The following FBXO41 variants were observed in gnomAD, a reference collection of about 807,000 sequenced individuals.
FBXO41 encodes the protein F-box only protein 41.
In FBXO41, 33 loss-of-function variants were observed where a neutral mutation model predicts 81.6. The ratio of observed to expected loss-of-function variants is 0.40; its 90% CI spans 0.31 to 0.54. The LOEUF (loss-of-function observed/expected upper bound fraction) is 0.54. FBXO41 is among the 20% of genes least tolerant of loss of function. The pLI is 0.39. For synonymous variants in FBXO41, 576 were observed against 552.7 expected, an observed-to-expected ratio of 1.04 and a Z score of -0.59; for missense variants, 1,107 against 1,236.0, an observed-to-expected ratio of 0.90 and a Z score of 1.56.
In FBXO41 at chr2:73,260,304, G is replaced by T; in HGVS notation, c.2449+85C>A. 1.3e-6 allele frequency: 2 copies of T among 1,498,376 alleles called. No homozygotes were observed. Among genetic ancestry groups the T allele is most frequent in the Non-Finnish European group, 1.8e-6 (2 of 1,108,124 alleles). The allele number at this position is 1,498,376 out of a possible 1,614,324, so 92.8% of individuals were successfully genotyped here. On this transcript the variant is annotated intron_variant, in intron 11 of 12. Coordinates refer to ENST00000520530, the MANE Select transcript of FBXO41 (RefSeq NM_001371389.2). This position sits in a 1 kb window ranked among gnomAD's most constrained non-coding sequence, Gnocchi z 5.0. ...CTTGGCTGGAGACTCTGATCCATCT[G>T]CCCCAGTGATAGTTAGGATACCTGC...
Position 73,269,233 on chromosome 2 carries a change from G to A in FBXO41, c.398C>T (p.Ala133Val), listed in dbSNP as rs867330865. ...TGCGGCGGGCACAAGGCCCGGCTCG[G>A]CCAACTCCTCACAGGGCAGGCTAGC... ...VPASLPCEEL[A>V]EPGLVPAAAA... Residue 133 changes from alanine (A) to valine (V), a missense_variant, in exon 2 of 13, where the codon GCC (alanine) becomes GTC (valine). Coordinates refer to ENST00000520530, the MANE Select transcript of FBXO41 (RefSeq NM_001371389.2). The surrounding 1 kb of genome is among the most constrained non-coding windows in gnomAD (Gnocchi z 7.0). 6.6e-7 allele frequency: 1 copy of A among 1,526,700 alleles called. No homozygotes were observed. Among genetic ancestry groups the A allele is most frequent in the Non-Finnish European group, 8.8e-7 (1 of 1,138,266 alleles). 94.6% of individuals were successfully genotyped at this position (1,526,700 alleles called of 1,614,324 possible).
chr2:73,270,985 C>G, intron 1 of FBXO41: 1 of 525,728 alleles, frequency 1.9e-6, no homozygotes, highest in Non-Finnish European at 3.9e-6. Flanking sequence ...CTGCCATGAG[C>G]TTTCCTGTCT....
rs1461933503 is a variant in FBXO41, at chr2:73,265,591, T to C, written c.1255A>G (p.Ser419Gly). ...AASQSSGCYD[S>G]DSLELPRPEE... ...GGCCTGGGCAGCTCCAGACTGTCAC[T>C]GTCATAGCAGCCTGAGCTCTGGGAT... The change falls in exon 5 of 13, where the codon AGT becomes GGT. Residue 419 changes from serine to glycine, a missense_variant. Physicochemically the swap from Ser to Gly is moderately conservative, Grantham distance 56. Transcript: ENST00000520530. 6.5e-7 allele frequency: 1 copy of C among 1,537,664 alleles called. No homozygotes were observed. The highest frequency in any genetic ancestry group is 8.7e-7 in the Non-Finnish European group (1 of 1,144,706).
At chr2:73,282,040 G>T (rs1688863377) in intron 1 of FBXO41, among the ~76,000 whole-genome samples, 1 of 152,158 alleles carries the variant, frequency 6.6e-6, no homozygotes, top group Non-Finnish European at 1.5e-5. Flanking sequence ...TGTTGTCCAG[G>T]CTGGAGTGCA....
rs919307018 is a variant in FBXO41 at position 73,257,104 on chromosome 2, G to C, written c.*1878C>G. On this transcript the variant is annotated 3_prime_UTR_variant, in exon 13 of 13. Coordinates refer to ENST00000520530, the MANE Select transcript of FBXO41 (RefSeq NM_001371389.2). The surrounding 1 kb of genome is among the most constrained non-coding windows in gnomAD (Gnocchi z 4.6). ...ACCTCCCTTCCAGGCCTCTGGAGGA[G>C]AGGAAAGAAAGCTGTGCTGCTTTTT... is the stretch of plus-strand genomic sequence containing the variant. 3 of 152,844 alleles carry C rather than the reference G, an allele frequency of 2.0e-5. No homozygotes were observed. Among genetic ancestry groups the C allele is most frequent in the African/African-American group, 7.2e-5 (3 of 41,452 alleles). The allele number at this position is 152,844 out of a possible 1,614,324, so 9.5% of individuals were successfully genotyped here.
rs946685412 is a variant in FBXO41 at position 73,265,678 on chromosome 2, C to T, written c.1206-38G>A. ...GGACCACACAGTAAGGGGTAAGAGG[C>T]ACCAGGCCTACCCAAACTCCCCATC... On this transcript the variant is annotated intron_variant, in intron 4 of 12. Coordinates refer to ENST00000520530, the MANE Select transcript of FBXO41 (RefSeq NM_001371389.2). 2.0e-6 allele frequency: 3 copies of T among 1,465,942 alleles called. No homozygotes were observed. The African/African-American group carries it at 4.2e-5, about 21-fold the overall frequency. 90.8% of individuals were successfully genotyped at this position (1,465,942 alleles called of 1,614,324 possible).
In FBXO41 at chr2:73,264,305, C is replaced by T. The variant is rs769075668; in HGVS notation, c.1779G>A (p.Leu593=). 6 of 1,613,460 alleles carry T rather than the reference C, an allele frequency of 3.7e-6. No homozygotes were observed. The Admixed American group carries it at 6.7e-5, about 18-fold the overall frequency. ...ARHPAVWTRV[L]LENARVCSKF... is the part of the protein sequence containing the mutation. ...TGGAGCAGACACGGGCATTCTCAAGCAGCACCCTTGTCCAGACTGCGGGGT... is the reference window on the plus strand; with the variant it reads ...TGGAGCAGACACGGGCATTCTCAAGTAGCACCCTTGTCCAGACTGCGGGGT... The change falls in exon 6 of 13, where the codon CTG becomes CTA. Residue 593 remains leucine, a synonymous_variant. Coordinates refer to ENST00000520530, the MANE Select transcript of FBXO41 (RefSeq NM_001371389.2).
In FBXO41 at chr2:73,266,310, C is replaced by G; in HGVS notation, c.1131+147G>C. On this transcript the variant is annotated intron_variant, in intron 3 of 12. Transcript: ENST00000520530. The surrounding 1 kb of genome is among the most constrained non-coding windows in gnomAD (Gnocchi z 5.3). ...TGGCACTCCTGCCCAATCAAAGGGGCTCCCCTGTTCCTGGCATCTGCTGGT... is the reference window on the plus strand; with the variant it reads ...TGGCACTCCTGCCCAATCAAAGGGGGTCCCCTGTTCCTGGCATCTGCTGGT... 3 of 1,008,630 alleles carry G rather than the reference C, an allele frequency of 3.0e-6. No homozygotes were observed. Among genetic ancestry groups the G allele is most frequent in the Admixed American group, 3.0e-5 (1 of 32,810 alleles). 62.5% of individuals were successfully genotyped at this position (1,008,630 alleles called of 1,614,324 possible). A position where few individuals can be genotyped will look rare whatever the true frequency, so the allele number is the denominator to read the frequency against.
chr2:73,277,006 C>T (rs558139676), intron 1 of FBXO41, among the ~76,000 whole-genome samples: 294 of 152,296 alleles, frequency 1.9e-3, no homozygotes, highest in Admixed American at 2.6e-3. Context: ...TTTCAGGGCC[C>T]CAGAAGTAGC....
Position 73,259,566 on chromosome 2 carries a change from G to A in FBXO41, c.2450-270C>T, listed in dbSNP as rs1285154328. On this transcript the variant is annotated intron_variant, in intron 11 of 12. Coordinates refer to ENST00000520530, the MANE Select transcript of FBXO41 (RefSeq NM_001371389.2). This position sits in a 1 kb window ranked among gnomAD's most constrained non-coding sequence, Gnocchi z 4.2. ...CCTCTAGGAACTTCCCTGACACAGG[G>A]GGCAGCTATACCATGGTCTGGGCAT... Among the ~76,000 whole-genome samples the A allele has an allele frequency of 6.6e-6, 1 of 152,156 alleles. No individual in the cohort carries two copies. The highest frequency in any genetic ancestry group is 2.4e-5 in the African/African-American group (1 of 41,416).
Position 73,266,054 on chromosome 2 carries a change from TGGAGAGGAGATGGG to T in FBXO41, c.1132-102_1132-89del. The T allele has an allele frequency of 8.6e-7, 1 of 1,168,750 alleles. No individual in the cohort carries two copies. The highest frequency in any genetic ancestry group is 1.2e-6 in the Non-Finnish European group (1 of 807,528). 72.4% of individuals were successfully genotyped at this position (1,168,750 alleles called of 1,614,324 possible). ...ATAGCAGGGGAAACAGGGCAAAAGATGGAGAGGAGATGGGGGAGAGGAGAGAGAAGGGAAAATAG... is the reference window on the plus strand; with the variant it reads ...ATAGCAGGGGAAACAGGGCAAAAGATGGAGAGGAGAGAGAAGGGAAAATAG... On this transcript the variant is annotated intron_variant, in intron 3 of 12. Coordinates refer to ENST00000520530, the MANE Select transcript of FBXO41 (RefSeq NM_001371389.2). The surrounding 1 kb of genome is among the most constrained non-coding windows in gnomAD (Gnocchi z 5.3).
Position 73,268,835 on chromosome 2 carries a change from C to T in FBXO41, c.796G>A (p.Glu266Lys). ...CGGGAGAGCTCAGACGCGCGCTCCT[C>T]CAGCTCCTCCTTCTCGCGCCCGAGC... ...ARLGREKEEL[E>K]ERASELSRQV... Residue 266 changes from glutamate to lysine, a missense_variant, in exon 2 of 13, where the codon GAG becomes AAG. Around this residue, in one of 2 missense-constraint regions of FBXO41, gnomAD observed 771 missense variants for 789.2 expected, o/e 0.98. Transcript: ENST00000520530. 1 of 1,577,040 alleles carries T rather than the reference C, an allele frequency of 6.3e-7. No homozygotes were observed. Among genetic ancestry groups the T allele is most frequent in the Non-Finnish European group, 8.6e-7 (1 of 1,162,528 alleles).
chr2:73,255,005 A>C lies in FBXO41; in HGVS notation c.*3977T>G, dbSNP rs1687755625. 6.5e-6 allele frequency: 1 copy of C among 152,694 alleles called. No homozygotes were observed. The highest frequency in any genetic ancestry group is 2.1e-4 in the South Asian group (1 of 4,832). The allele number at this position is 152,694 out of a possible 1,614,324, so 9.5% of individuals were successfully genotyped here. A position where few individuals can be genotyped will look rare whatever the true frequency, so the allele number is the denominator to read the frequency against. On this transcript the variant is annotated 3_prime_UTR_variant, in exon 13 of 13. Coordinates refer to ENST00000520530, the MANE Select transcript of FBXO41 (RefSeq NM_001371389.2). Reference sequence around the variant, plus strand: ...GCCCATTATAGCCTAGCTGTGTAGGAAGGTAGGGCCTAAGGGCCAGTTATG... The same window carrying C: ...GCCCATTATAGCCTAGCTGTGTAGGCAGGTAGGGCCTAAGGGCCAGTTATG...
chr2:73,267,619 T>A (rs1490986048), intron 2 of FBXO41, among the ~76,000 whole-genome samples: 2 of 152,212 alleles, frequency 1.3e-5, no homozygotes, highest in African/African-American at 4.8e-5. Context: ...ATAAATAACA[T>A]CTATATACAA....
intron 1 of FBXO41, among the ~76,000 whole-genome samples, chr2:73,279,237 G>T (rs1209383741): frequency 1.3e-5 from 2 of 152,172 alleles, no homozygotes; most frequent in African/African-American, 4.8e-5. Flanking sequence ...ATGTGACTCA[G>T]TAAGGAGGAA....
intron 1 of FBXO41, among the ~76,000 whole-genome samples, chr2:73,275,268 C>T (rs562857378): frequency 2.0e-5 from 3 of 149,710 alleles, no homozygotes; most frequent in South Asian, 2.1e-4. Flanking sequence ...CTGCAACCTC[C>T]GCCTCCTGGG....
At chr2:73,265,177 T>G in intron 5 of FBXO41, 105 bp downstream of exon 5, 1 of 1,091,344 alleles carries the variant, frequency 9.2e-7, no homozygotes, top group Non-Finnish European at 1.3e-6. Flanking sequence ...AAGGGCGCTA[T>G]GTAGGAGGGG....
intron 4 of FBXO41, 68 bp downstream of exon 4, chr2:73,265,825 C>G: frequency 6.6e-7 from 1 of 1,520,214 alleles, no homozygotes; most frequent in Non-Finnish European, 8.9e-7. Flanking sequence ...ACACAAGCCC[C>G]AGACAGGCCA....
chr2:73,281,144 A>T (rs904702112), intron 1 of FBXO41, among the ~76,000 whole-genome samples: 3 of 152,206 alleles, frequency 2.0e-5, no homozygotes, highest in African/African-American at 7.2e-5. Flanking sequence ...AACGATGTCC[A>T]GCACAAGGCC....
Sources: allele counts gnomAD v4.1 joint callset (sites outside exome capture counted in the v4.1 genomes callset), GRCh38; gene constraint gnomAD v4.1.1; regional missense constraint gnomAD v4.1.1; non-coding constraint Gnocchi (gnomAD v3.1); transcripts MANE v1.5; gene names NCBI Gene and HGNC (gene_info 2026-07-23, HGNC 2026-07-21).